Variants in PXDNL observed in about 807,000 individuals in gnomAD.
The protein encoded by PXDNL is probable oxidoreductase PXDNL.
Under a neutral mutation model 150.8 loss-of-function variants are expected in PXDNL, and 145 were observed. The observed-to-expected ratio is 0.96, with a 90% CI of 0.84 to 1.10. The LOEUF is 1.10. Among genes scored for constraint, PXDNL ranks in the 50% least tolerant of loss-of-function variants. The pLI, the probability that PXDNL is intolerant of heterozygous loss-of-function variation, is 0.00. For synonymous variants in PXDNL, 757 were observed against 725.7 expected (o/e 1.04, Z -0.69); for missense variants, 2,087 against 1,873.9 (o/e 1.11, Z -2.10).
intron 4 of PXDNL, among the ~76,000 whole-genome samples, chr8:51,532,098 A>G (rs554331242): frequency 9.3e-4 from 142 of 152,228 alleles, no homozygotes; most frequent in Non-Finnish European, 1.7e-3. Flanking sequence ...TGCAGAATGC[A>G]GGTAAGTATG....
At chr8:51,755,174 T>C (rs2037087044) in intron 1 of PXDNL, among the ~76,000 whole-genome samples, 1 of 152,190 alleles carries the variant, frequency 6.6e-6, no homozygotes, top group Admixed American at 6.5e-5. Context: ...TGAAATCTAG[T>C]AAATTAAACT....
At chr8:51,391,951 A>G (rs1807923713) in intron 17 of PXDNL, among the ~76,000 whole-genome samples, 1 of 152,208 alleles carries the variant, frequency 6.6e-6, no homozygotes, top group Non-Finnish European at 1.5e-5. Flanking sequence ...TCAGCTTTCT[A>G]CATATGACTA....
rs60146365 is a variant in PXDNL at position 51,452,935 on chromosome 8, A to AACACATACAC, written c.1249+583_1249+584insGTGTATGTGT. 1.8e-3 allele frequency among the ~76,000 whole-genome samples: 255 copies of AACACATACAC among 142,668 alleles called. 3 individuals carry two copies. The highest frequency in any genetic ancestry group is 9.0e-3 in the East Asian group (45 of 5,022). The allele number at this position is 142,668 out of a possible 152,430, so 93.6% of individuals were successfully genotyped here. Reference sequence around the variant, plus strand: ...ACACACACACAAACGCACACACACAAACACACACACACACACACACATGCA... The same window carrying AACACATACAC: ...ACACACACACAAACGCACACACACAAACACATACACACACACACACACACACACACATGCA... On this transcript the variant is annotated intron_variant, in intron 10 of 22. Transcript: ENST00000356297.
At chr8:51,703,378 C>T (rs1284662833) in intron 1 of PXDNL, among the ~76,000 whole-genome samples, 1 of 151,810 alleles carries the variant, frequency 6.6e-6, no homozygotes, top group Non-Finnish European at 1.5e-5. Flanking sequence ...ATTTCCCCAA[C>T]AATTACATGT....
chr8:51,750,277 A>G (rs1026760428), intron 1 of PXDNL, among the ~76,000 whole-genome samples: 1 of 152,128 alleles, frequency 6.6e-6, no homozygotes, highest in Non-Finnish European at 1.5e-5. Context: ...GATCATCAAT[A>G]TCACTATCTT....
At chr8:51,654,791 T>A (rs892644833) in intron 1 of PXDNL, 31 bp from the exon 2 acceptor site, 2 of 1,549,032 alleles carry the variant, frequency 1.3e-6, no homozygotes, top group Non-Finnish European at 1.8e-6. Flanking sequence ...AGAACGATTA[T>A]AATATGTTGA....
At chr8:51,381,153 A>G (rs1233538671) in intron 17 of PXDNL, among the ~76,000 whole-genome samples, 1 of 152,188 alleles carries the variant, frequency 6.6e-6, no homozygotes, top group Non-Finnish European at 1.5e-5. Context: ...AGTAAGTTAG[A>G]TAGTGTTCCT....
At chr8:51,468,475 C>T (rs1048592548) in intron 8 of PXDNL, among the ~76,000 whole-genome samples, 4 of 146,902 alleles carry the variant, frequency 2.7e-5, no homozygotes, top group Non-Finnish European at 6.0e-5. Context: ...CGACTTTCCA[C>T]CTCTCAGTGT....
At chr8:51,639,208 A>G (rs1814682213) in intron 2 of PXDNL, among the ~76,000 whole-genome samples, 1 of 152,236 alleles carries the variant, frequency 6.6e-6, no homozygotes, top group South Asian at 2.1e-4. Context: ...AGCAGTGTGT[A>G]GAGGGAAATT....
chr8:51,455,115 C>CAAAAAAAAAAAAAAAAAAA (rs536468204), intron 9 of PXDNL, among the ~76,000 whole-genome samples: 160 of 15,838 alleles, frequency 0.01, 46 homozygotes, highest in Admixed American at 0.019. Flanking sequence ...GACTCCGTCT[C>CAAAAAAAAAAAAAAAAAAA]AAAAAAAAAA....
intron 3 of PXDNL, among the ~76,000 whole-genome samples, chr8:51,565,566 A>G (rs967528063): frequency 7.2e-5 from 11 of 151,804 alleles, no homozygotes; most frequent in African/African-American, 2.4e-5. Flanking sequence ...TAAGTATAAA[A>G]AAAAGATTCC....
intron 17 of PXDNL, among the ~76,000 whole-genome samples, chr8:51,386,445 T>C (rs1161899176): frequency 1.3e-5 from 2 of 152,014 alleles, no homozygotes; most frequent in Non-Finnish European, 2.9e-5. Context: ...ATACTGGCAG[T>C]AGTAAGATAG....
chr8:51,339,823 A>T (rs1805937627), intron 20 of PXDNL, 70 bp from the exon 21 acceptor site: 1 of 1,499,434 alleles, frequency 6.7e-7, no homozygotes, highest in African/African-American at 1.4e-5. Context: ...AATATCATCA[A>T]ATCTTCTTTG....
At chr8:51,520,463 G>A (rs1811638776) in intron 4 of PXDNL, among the ~76,000 whole-genome samples, 1 of 152,038 alleles carries the variant, frequency 6.6e-6, no homozygotes, top group South Asian at 2.1e-4. Context: ...ACGCGGGAGA[G>A]CCACACCCTG....
rs1344561735 is a variant in PXDNL, at chr8:51,649,426, CT to C, written c.236+5262del. ...TTTTAAATCTTGTCTAGAGCTGAAT[CT>C]TTTATTCTTTTGGAAATTGGGTAAA... On this transcript the variant is annotated intron_variant, in intron 2 of 22. Transcript: ENST00000356297. Among the ~76,000 whole-genome samples the C allele has an allele frequency of 3.3e-5, 5 of 152,176 alleles. No individual in the cohort carries two copies. In the East Asian group the frequency reaches 9.7e-4, roughly 29 times the overall value.
chr8:51,474,037 C>A (rs560157070), intron 7 of PXDNL, among the ~76,000 whole-genome samples: 3 of 152,150 alleles, frequency 2.0e-5, no homozygotes, highest in Non-Finnish European at 4.4e-5. Context: ...GAGCTATGGA[C>A]AAGCTTGAGA....
At chr8:51,486,770 ATATATATATATATATATATATATATTT>A (rs1463610178) in intron 5 of PXDNL, among the ~76,000 whole-genome samples, 6 of 7,278 alleles carry the variant, frequency 8.2e-4, no homozygotes, top group African/African-American at 1.7e-3. Context: ...ATATATATAT[ATATATATATATATATATATATATATTT>A]TTTTTTTTTT....
intron 19 of PXDNL, among the ~76,000 whole-genome samples, chr8:51,357,077 T>C (rs1374141494): frequency 6.6e-6 from 1 of 152,198 alleles, no homozygotes; most frequent in Non-Finnish European, 1.5e-5. Flanking sequence ...TGGAATAGCA[T>C]TTTCTCAAGT....
chr8:51,783,011 T>C (rs974597780), intron 1 of PXDNL, among the ~76,000 whole-genome samples: 2 of 152,208 alleles, frequency 1.3e-5, no homozygotes, highest in African/African-American at 2.4e-5. Context: ...GCTTAGGCAA[T>C]AGGCAATATC....
Sources: allele counts gnomAD v4.1 joint callset (sites outside exome capture counted in the v4.1 genomes callset), GRCh38; gene constraint gnomAD v4.1.1; transcripts MANE v1.5; gene names NCBI Gene and HGNC (gene_info 2026-07-23, HGNC 2026-07-21).